CSMD1: variants seen among roughly 807,000 people sequenced by gnomAD.
The protein encoded by CSMD1 is CUB and sushi domain-containing protein 1.
In CSMD1, 213 loss-of-function variants were observed where a neutral mutation model predicts 417.5. That is an observed-to-expected ratio of 0.51 (90% CI 0.46 to 0.57). CSMD1 has a LOEUF of 0.57. Ranked by LOEUF, CSMD1 falls within the 20% of genes least tolerant of loss-of-function variation. The pLI is 0.00. For missense variants in CSMD1, 6,923 were observed against 4,529.7 expected (o/e 1.53, Z -15.17); for synonymous variants, 2,862 against 1,736.8 (o/e 1.65, Z -16.11).
intron 2 of CSMD1, among the ~76,000 whole-genome samples, chr8:4,469,832 G>A (rs1318708159): frequency 4.6e-5 from 7 of 151,832 alleles, no homozygotes; most frequent in Admixed American, 2.0e-4. Flanking sequence ...TCCTTAAAAT[G>A]ACTCGCACAC....
intron 1 of CSMD1, among the ~76,000 whole-genome samples, chr8:4,696,742 C>T (rs1281362613): frequency 1.3e-5 from 2 of 152,160 alleles, no homozygotes; most frequent in African/African-American, 4.8e-5. Context: ...GAATAATGCC[C>T]AGCACCCAAC....
chr8:3,734,010 G>T (rs1043268568), intron 6 of CSMD1, among the ~76,000 whole-genome samples: 1 of 152,098 alleles, frequency 6.6e-6, no homozygotes, highest in South Asian at 2.1e-4. Flanking sequence ...AAGGGTGTGA[G>T]TGTGTATATG....
At chr8:3,974,097 T>A (rs373741487) in intron 5 of CSMD1, among the ~76,000 whole-genome samples, 13 of 152,258 alleles carry the variant, frequency 8.5e-5, no homozygotes, top group African/African-American at 2.9e-4. Flanking sequence ...ATTTATTATT[T>A]CTAATTACTT....
At position 3,880,663 on chromosome 8, in the gene CSMD1, A is replaced by G. The variant is rs540869632; in HGVS notation, c.818+117240T>C. On this transcript the variant is annotated intron_variant, in intron 5 of 69. Coordinates refer to ENST00000635120, the MANE Select transcript of CSMD1 (RefSeq NM_033225.6). ...TTTCTTAACCTTTCCTGTAAAGTCT[A>G]AAAAGGAAGAAAGCTTTGCACACGT... is the stretch of plus-strand genomic sequence containing the variant. 1.8e-3 allele frequency among the ~76,000 whole-genome samples: 269 copies of G among 152,344 alleles called. 1 individual carries two copies. Among genetic ancestry groups the G allele is most frequent in the Non-Finnish European group, 1.6e-3 (111 of 68,032 alleles).
intron 1 of CSMD1, among the ~76,000 whole-genome samples, chr8:4,692,578 G>T (rs1292264113): frequency 1.3e-5 from 2 of 152,124 alleles, no homozygotes; most frequent in Non-Finnish European, 2.9e-5. Flanking sequence ...GTGAGCCATG[G>T]GTGAGAGCGT....
intron 3 of CSMD1, among the ~76,000 whole-genome samples, chr8:4,391,384 T>C (rs1338460969): frequency 1.3e-5 from 2 of 151,954 alleles, no homozygotes; most frequent in African/African-American, 4.8e-5. Context: ...GCAGAAAAAG[T>C]GATGTAAGAC....
intron 1 of CSMD1, among the ~76,000 whole-genome samples, chr8:4,703,354 A>G (rs1014056945): frequency 6.6e-6 from 1 of 152,094 alleles, no homozygotes; most frequent in Non-Finnish European, 1.5e-5. Flanking sequence ...TTCTGCAAAG[A>G]TCTCCCTTTC....
At position 3,330,789 on chromosome 8, in the gene CSMD1, T is replaced by G. The variant is rs556869452; in HGVS notation, c.3631+12505A>C. Among the ~76,000 whole-genome samples the G allele has an allele frequency of 3.3e-5, 5 of 152,326 alleles. No homozygotes were observed. The South Asian group carries it at 1.0e-3, about 32-fold the overall frequency. ...AACTAAGATTAAAAAGCAAATACTT[T>G]ATTTTGAATTTTGTTGCTCTCCCAT... On this transcript the variant is annotated intron_variant, in intron 23 of 69. Transcript: ENST00000635120.
chr8:3,223,923 AG>A, intron 27 of CSMD1, 56 bp from the exon 28 acceptor site: 1 of 1,581,428 alleles, frequency 6.3e-7, no homozygotes, highest in Non-Finnish European at 8.6e-7. Flanking sequence ...AACGCCTGCC[AG>A]TCAGTGTGGA....
intron 5 of CSMD1, among the ~76,000 whole-genome samples, chr8:3,827,343 T>G (rs1216541261): frequency 6.6e-6 from 1 of 152,184 alleles, no homozygotes; most frequent in Non-Finnish European, 1.5e-5. Context: ...AATTAATAAC[T>G]ATAGACAACA....
At chr8:4,626,093 G>T (rs1414793263) in intron 2 of CSMD1, among the ~76,000 whole-genome samples, 1 of 152,094 alleles carries the variant, frequency 6.6e-6, no homozygotes, top group Non-Finnish European at 1.5e-5. Flanking sequence ...GAGAAAAACT[G>T]CCATGAAAGA....
chr8:3,358,168 C>T (rs1216999341), intron 21 of CSMD1, among the ~76,000 whole-genome samples: 1 of 152,108 alleles, frequency 6.6e-6, no homozygotes, highest in Admixed American at 6.6e-5. Context: ...TCAGACCTTC[C>T]CCACCTGCCT....
intron 1 of CSMD1, among the ~76,000 whole-genome samples, chr8:4,829,290 G>C (rs1000513760): frequency 2.6e-5 from 4 of 152,152 alleles, no homozygotes; most frequent in South Asian, 2.1e-4. Context: ...TTAGTCATAA[G>C]CTTTATCCCA....
intron 10 of CSMD1, among the ~76,000 whole-genome samples, chr8:3,568,766 T>C (rs570575231): frequency 5.7e-4 from 86 of 152,092 alleles, no homozygotes; most frequent in Non-Finnish European, 9.7e-4. Flanking sequence ...CATACATTTA[T>C]ACCTAAAAGA....
intron 3 of CSMD1, among the ~76,000 whole-genome samples, chr8:4,399,226 ACC>A (rs1172459618): frequency 2.0e-5 from 3 of 152,192 alleles, no homozygotes; most frequent in Admixed American, 2.0e-4. Flanking sequence ...TATATGACAA[ACC>A]GTATTTCCCC....
intron 3 of CSMD1, among the ~76,000 whole-genome samples, chr8:4,276,920 C>T (rs911621669): frequency 6.6e-6 from 1 of 152,194 alleles, no homozygotes; most frequent in East Asian, 1.9e-4. Flanking sequence ...TACTGGAATT[C>T]ATTTCAAAGT....
intron 12 of CSMD1, among the ~76,000 whole-genome samples, chr8:3,458,758 T>G (rs563744998): frequency 6.6e-6 from 1 of 152,198 alleles, no homozygotes; most frequent in African/African-American, 2.4e-5. Flanking sequence ...TATCTTTGGT[T>G]ACTAAATGGC....
chr8:4,208,054 C>A (rs989744063), intron 3 of CSMD1, among the ~76,000 whole-genome samples: 1 of 152,084 alleles, frequency 6.6e-6, no homozygotes, highest in East Asian at 1.9e-4. Flanking sequence ...GAGGGTAATT[C>A]ACTTTTGTTC....
intron 3 of CSMD1, among the ~76,000 whole-genome samples, chr8:4,098,421 T>G (rs1167101677): frequency 6.6e-6 from 1 of 152,116 alleles, no homozygotes; most frequent in Non-Finnish European, 1.5e-5. Flanking sequence ...TTCAGGGTCA[T>G]GTTACATAAT....
Sources: allele counts gnomAD v4.1 joint callset (sites outside exome capture counted in the v4.1 genomes callset), GRCh38; gene constraint gnomAD v4.1.1; transcripts MANE v1.5; gene names NCBI Gene and HGNC (gene_info 2026-07-23, HGNC 2026-07-21).